The following LIN7B variants were observed in gnomAD, a reference collection of about 807,000 sequenced individuals.
LIN7B encodes lin-7 cell polarity scaffold B, also known as protein lin-7 homolog B.
LIN7B carries 16 observed loss-of-function variants against 27.9 expected under a neutral mutation model. The observed-to-expected ratio is 0.57, with a 90% CI of 0.39 to 0.87. The LOEUF (loss-of-function observed/expected upper bound fraction) is 0.87. Ranked by LOEUF, LIN7B falls within the 40% of genes least tolerant of loss-of-function variation. The pLI, the probability that LIN7B is intolerant of heterozygous loss-of-function variation, is 0.00. For synonymous variants in LIN7B, 147 were observed against 120.8 expected (o/e 1.22, Z -1.42); for missense variants, 291 against 288.5 (o/e 1.01, Z -0.06).
Position 49,116,247 on chromosome 19 carries a change from G to A in LIN7B, c.229-16G>A, listed in dbSNP as rs377014401. The A allele has an allele frequency of 1.7e-4, 273 of 1,605,692 alleles. No individual in the cohort carries two copies. Among genetic ancestry groups the A allele is most frequent in the Non-Finnish European group, 2.2e-4 (254 of 1,174,194 alleles). On this transcript the variant is annotated splice_polypyrimidine_tract_variant and intron_variant, in intron 3 of 5. Coordinates refer to ENST00000221459, the MANE Select transcript of LIN7B (RefSeq NM_022165.3). ...CTGGAAGGGGCCCTCATCTTCAGTC[G>A]CTTTCTCTCTCCCAGGCCACAGTGG...
At chr19:49,115,385 CAA>C (rs769641443) in intron 3 of LIN7B, 54 bp downstream of exon 3, 1 of 1,424,848 alleles carries the variant, frequency 7.0e-7, no homozygotes, top group East Asian at 2.6e-5. Context: ...TAGTCGAACT[CAA>C]TATCTCCTTC....
At chr19:49,116,070 C>T (rs1167272295) in intron 3 of LIN7B, 193 bp from the exon 4 acceptor site, 5 of 561,336 alleles carry the variant, frequency 8.9e-6, no homozygotes, top group Non-Finnish European at 1.6e-5. Flanking sequence ...ACCAAATGGA[C>T]ACTTTCTCTT....
intron 3 of LIN7B, 182 bp downstream of exon 3, chr19:49,115,513 A>C: frequency 1.7e-6 from 1 of 604,606 alleles, no homozygotes; most frequent in Non-Finnish European, 3.0e-6. Flanking sequence ...CATCTTTAGC[A>C]ACTGCAAATG....
Position 49,115,535 on chromosome 19 carries a change from G to A in LIN7B, c.228+204G>A, listed in dbSNP as rs143271573. 1.0e-3 allele frequency: 570 copies of A among 569,846 alleles called. 1 individual carries two copies. Among genetic ancestry groups the A allele is most frequent in the African/African-American group, 9.9e-3 (519 of 52,504 alleles). 35.3% of individuals were successfully genotyped at this position (569,846 alleles called of 1,614,324 possible). ...AGCAACTGCAAATGGAAACAGTATG[G>A]CATGGTTGGTAGAAGATAACCTTCA... is the stretch of plus-strand genomic sequence containing the variant. On this transcript the variant is annotated intron_variant, in intron 3 of 5. Transcript: ENST00000221459.
chr19:49,114,951 G>T lies in LIN7B; in HGVS notation c.140G>T (p.Cys47Phe). ...CAGCGAGTTCTGCAGAGCCGCTTCT[G>T]CTCCGCTATCCGAGAGGTGAGGGGC... ...ALQRVLQSRFCSAIREVYEQL... is the reference protein window; with the variant it reads ...ALQRVLQSRFFSAIREVYEQL... Residue 47 changes from cysteine (C) to phenylalanine (F), a missense_variant, in exon 2 of 6, where the codon TGC becomes TTC. By Grantham distance (205) the Cys-to-Phe change is radical. Coordinates refer to ENST00000221459, the MANE Select transcript of LIN7B (RefSeq NM_022165.3). 3 of 1,433,076 alleles carry T rather than the reference G, an allele frequency of 2.1e-6. No homozygotes were observed. Among genetic ancestry groups the T allele is most frequent in the Non-Finnish European group, 2.7e-6 (3 of 1,094,728 alleles). 88.8% of individuals were successfully genotyped at this position (1,433,076 alleles called of 1,614,324 possible).
At chr19:49,116,530 C>T (rs909667971) in intron 4 of LIN7B, 58 bp downstream of exon 4, 1 of 1,481,042 alleles carries the variant, frequency 6.8e-7, no homozygotes, top group South Asian at 1.2e-5. Context: ...TAGCATAGCC[C>T]CTGCTTTTGA....
At chr19:49,115,489 A>G (rs1227825586) in intron 3 of LIN7B, 158 bp downstream of exon 3, 1 of 660,402 alleles carries the variant, frequency 1.5e-6, no homozygotes, top group Admixed American at 2.9e-5. Flanking sequence ...TTTAACTTAA[A>G]TGTCATACTA....
chr19:49,114,403 A>G lies in LIN7B; in HGVS notation c.-2A>G, dbSNP rs1481624555. 8.3e-6 allele frequency: 10 copies of G among 1,201,374 alleles called. No individual in the cohort carries two copies. The highest frequency in any genetic ancestry group is 1.0e-5 in the Non-Finnish European group (10 of 968,362). The allele number at this position is 1,201,374 out of a possible 1,614,324, so 74.4% of individuals were successfully genotyped here. ...CGGGCGGCTGGCAGCTGTGGCGCCG[A>G]CATGGCTGCGCTGGTGGAGCCGCTG... On this transcript the variant is annotated 5_prime_UTR_variant, in exon 1 of 6. Coordinates refer to ENST00000221459, the MANE Select transcript of LIN7B (RefSeq NM_022165.3).
intron 1 of LIN7B, 78 bp downstream of exon 1, chr19:49,114,519 T>G: frequency 2.7e-6 from 3 of 1,107,458 alleles, no homozygotes; most frequent in African/African-American, 1.6e-5. Context: ...CCTTCCCGGG[T>G]CAGGCCAGTG....
Position 49,116,401 on chromosome 19 carries a change from A to T in LIN7B, c.367A>T (p.Ile123Phe). Residue 123 changes from isoleucine to phenylalanine, a missense_variant, in exon 4 of 6, where the codon ATC becomes TTC. By Grantham distance (21) the Ile-to-Phe change is conservative. Coordinates refer to ENST00000221459, the MANE Select transcript of LIN7B (RefSeq NM_022165.3). ...QNSPIYISRV[I>F]PGGVADRHGG... ...CTCGCCCATCTACATCTCCCGGGTC[A>T]TCCCAGGGGGTGTGGCTGACCGCCA... 1 of 1,614,236 alleles carries T rather than the reference A, an allele frequency of 6.2e-7. No homozygotes were observed. Among genetic ancestry groups the T allele is most frequent in the Non-Finnish European group, 8.5e-7 (1 of 1,180,028 alleles).
At position 49,114,858 on chromosome 19, in the gene LIN7B, G is replaced by A. The variant is rs1172035904; in HGVS notation, c.47G>A (p.Arg16Gln). ...CGCCCCCGCCCCGCAGACGTGTCCC[G>A]GGCGGTTGAGCTCCTCGAGCGGCTC... ...EPLGLERDVS[R>Q]AVELLERLQR... Residue 16 changes from arginine to glutamine, a missense_variant, in exon 2 of 6, where the codon CGG becomes CAG. Physicochemically the swap from Arg to Gln is conservative, Grantham distance 43. Coordinates refer to ENST00000221459, the MANE Select transcript of LIN7B (RefSeq NM_022165.3). 4 of 1,458,318 alleles carry A rather than the reference G, an allele frequency of 2.7e-6. No homozygotes were observed. The highest frequency in any genetic ancestry group is 2.5e-5 in the Admixed American group (1 of 39,578). 90.3% of individuals were successfully genotyped at this position (1,458,318 alleles called of 1,614,324 possible).
chr19:49,116,009 C>CAA (rs562837227), intron 3 of LIN7B: 850 of 283,740 alleles, frequency 3.0e-3, no homozygotes, highest in Non-Finnish European at 3.5e-3. Context: ...GACTTCATCT[C>CAA]AAAAAAAAAA....
At chr19:49,116,587 G>A (rs2040829978) in intron 4 of LIN7B, 115 bp downstream of exon 4, 1 of 969,896 alleles carries the variant, frequency 1.0e-6, no homozygotes. Context: ...CTAGCCCTGT[G>A]CTGGGCAATG....
At chr19:49,116,000 ACTT>A (rs2040819256) in intron 3 of LIN7B, 1 of 374,758 alleles carries the variant, frequency 2.7e-6, no homozygotes, top group African/African-American at 2.1e-5. Context: ...ACAGAGTGAG[ACTT>A]CATCTCAAAA....
In LIN7B at chr19:49,118,395, C is replaced by G; in HGVS notation, c.*22C>G. ...TTGAAACCACAGATCTGGACGTTCA[C>G]GTGCACTCTCTTCCTGTACAGTATT... On this transcript the variant is annotated 3_prime_UTR_variant, in exon 6 of 6. Transcript: ENST00000221459. 6.2e-7 allele frequency: 1 copy of G among 1,613,360 alleles called. No homozygotes were observed. The highest frequency in any genetic ancestry group is 8.5e-7 in the Non-Finnish European group (1 of 1,179,300).
intron 2 of LIN7B, 84 bp downstream of exon 2, chr19:49,115,051 A>G: frequency 9.8e-7 from 1 of 1,017,934 alleles, no homozygotes; most frequent in Non-Finnish European, 1.3e-6. Flanking sequence ...CCCGGAGACT[A>G]CGCCTCCCGG....
At chr19:49,115,154 G>C in intron 2 of LIN7B, 106 bp from the exon 3 acceptor site, 1 of 1,044,810 alleles carries the variant, frequency 9.6e-7, no homozygotes, top group Non-Finnish European at 1.3e-6. Context: ...TTGCGGGGGC[G>C]GGGCGGATCC....
At chr19:49,118,153 C>T (rs2040865964) in intron 5 of LIN7B, 135 bp downstream of exon 5, 10 of 1,454,186 alleles carry the variant, frequency 6.9e-6, no homozygotes, top group Non-Finnish European at 9.3e-6. Flanking sequence ...GACCCTTGGC[C>T]CAGGCTCTCA....
At chr19:49,114,631 C>T (rs1026056027) in intron 1 of LIN7B, 190 bp downstream of exon 1, 1 of 486,546 alleles carries the variant, frequency 2.1e-6, no homozygotes, top group East Asian at 3.6e-5. Flanking sequence ...GGACGCTGGG[C>T]GCCCGCCTTA....
Sources: gnomAD v4.1 joint callset for allele counts on GRCh38, gnomAD v4.1.1 for gene constraint, MANE v1.5 for transcripts, NCBI Gene and HGNC (gene_info 2026-07-23, HGNC 2026-07-21) for gene names.